The following SARM1 variants were observed in gnomAD, a reference collection of about 807,000 sequenced individuals.
The protein encoded by SARM1 is sterile alpha and TIR motif containing 1.
Under a neutral mutation model 65.1 loss-of-function variants are expected in SARM1, and 60 were observed. The ratio of observed to expected loss-of-function variants is 0.92; its 90% CI spans 0.75 to 1.14. The LOEUF (loss-of-function observed/expected upper bound fraction) is 1.14. Among genes scored for constraint, SARM1 ranks in the 50% most tolerant of loss-of-function variants. The pLI, the probability that SARM1 is intolerant of heterozygous loss-of-function variation, is 0.00. For missense variants in SARM1, 913 were observed against 1,015.7 expected (o/e 0.90, Z 1.37); for synonymous variants, 417 against 465.4 (o/e 0.90, Z 1.34).
Position 28,396,041 on chromosome 17 carries a change from C to T in SARM1, c.2045+15C>T. 6.2e-7 allele frequency: 1 copy of T among 1,613,832 alleles called. No homozygotes were observed. The highest frequency in any genetic ancestry group is 8.5e-7 in the Non-Finnish European group (1 of 1,179,822). Reference sequence around the variant, plus strand: ...AACGGTATCAAGTGAGCCCCAGGGCCCTGGGACCAGGGGGGTAGGGTACAA... The same window carrying T: ...AACGGTATCAAGTGAGCCCCAGGGCTCTGGGACCAGGGGGGTAGGGTACAA... On this transcript the variant is annotated intron_variant, in intron 8 of 8. Transcript: ENST00000585482.
chr17:28,388,277 G>A lies in SARM1; in HGVS notation c.1733+1G>A. 1 of 1,559,446 alleles carries A rather than the reference G, an allele frequency of 6.4e-7. No homozygotes were observed. The highest frequency in any genetic ancestry group is 8.7e-7 in the Non-Finnish European group (1 of 1,152,004). On this transcript the variant is annotated splice_donor_variant, in intron 6 of 8. Transcript: ENST00000585482. LOFTEE classifies it high-confidence loss of function. Reference sequence around the variant, plus strand: ...GGAACTCAGGTTCCCAGCTGGCCAGGTGAGGAGGGGCGGGCGGGCAGCGAC... The same window carrying A: ...GGAACTCAGGTTCCCAGCTGGCCAGATGAGGAGGGGCGGGCGGGCAGCGAC...
intron 7 of SARM1, among the ~76,000 whole-genome samples, chr17:28,390,788 T>C (rs2068075950): frequency 6.6e-6 from 1 of 152,082 alleles, no homozygotes; most frequent in South Asian, 2.1e-4. Flanking sequence ...GTAAGTGGAA[T>C]AGAAGGCATC....
At position 28,401,051 on chromosome 17, in the gene SARM1, T is replaced by C; in HGVS notation, c.*4765T>C. 2.4e-6 allele frequency: 1 copy of C among 418,122 alleles called. No homozygotes were observed. Among genetic ancestry groups the C allele is most frequent in the Non-Finnish European group, 4.5e-6 (1 of 223,132 alleles). 25.9% of individuals were successfully genotyped at this position (418,122 alleles called of 1,614,324 possible). A position where few individuals can be genotyped will look rare whatever the true frequency, so the allele number is the denominator to read the frequency against. ...GCACATAAAAGAAAAAAAAAGTACATGTGATATTGTCTGATGAAAGCTTGA... is the reference window on the plus strand; with the variant it reads ...GCACATAAAAGAAAAAAAAAGTACACGTGATATTGTCTGATGAAAGCTTGA... On this transcript the variant is annotated 3_prime_UTR_variant, in exon 9 of 9. Transcript: ENST00000585482.
At chr17:28,376,403 C>CAA (rs58695374) in intron 1 of SARM1, among the ~76,000 whole-genome samples, 50,169 of 84,092 alleles carry the variant, frequency 0.6, 13,739 homozygotes, top group Middle Eastern at 0.69. Context: ...ACTAAAAATA[C>CAA]AAAAAAAAAA....
At chr17:28,395,725 A>T (rs1328686726) in intron 7 of SARM1, 180 bp from the exon 8 acceptor site, 5 of 627,808 alleles carry the variant, frequency 8.0e-6, no homozygotes, top group Non-Finnish European at 1.1e-5. Context: ...CTCTGGGCAA[A>T]GGAAAAATAT....
At chr17:28,391,676 A>G (rs2068080263) in intron 7 of SARM1, among the ~76,000 whole-genome samples, 1 of 142,152 alleles carries the variant, frequency 7.0e-6, no homozygotes, top group African/African-American at 2.6e-5. Flanking sequence ...AAAACCATGC[A>G]TGGTACAAAG....
At position 28,402,455 on chromosome 17, in the gene SARM1, G is replaced by T. The variant is rs1030917697; in HGVS notation, c.*6169G>T. 5.7e-6 allele frequency: 4 copies of T among 704,036 alleles called. No homozygotes were observed. Among genetic ancestry groups the T allele is most frequent in the Non-Finnish European group, 9.7e-6 (4 of 413,406 alleles). The allele number at this position is 704,036 out of a possible 1,614,324, so 43.6% of individuals were successfully genotyped here. A position where few individuals can be genotyped will look rare whatever the true frequency, so the allele number is the denominator to read the frequency against. On this transcript the variant is annotated 3_prime_UTR_variant, in exon 9 of 9. Coordinates refer to ENST00000585482, the MANE Select transcript of SARM1 (RefSeq NM_015077.4). The stretch of plus-strand genomic sequence containing the variant: ...CAGGAAGAACTTCCTTGATGGTGAG[G>T]GTGGGAAGACAGTAGTCAAGGAGGA...
intron 1 of SARM1, 100 bp from the exon 2 acceptor site, chr17:28,381,103 G>T: frequency 7.3e-7 from 1 of 1,371,750 alleles, no homozygotes; most frequent in East Asian, 2.6e-5. Flanking sequence ...ATATGAGGCC[G>T]GTGAGGCCCA....
At chr17:28,392,473 CTT>C (rs1233385886) in intron 7 of SARM1, among the ~76,000 whole-genome samples, 3 of 152,122 alleles carry the variant, frequency 2.0e-5, no homozygotes, top group Non-Finnish European at 4.4e-5. Flanking sequence ...TTTGTACTGT[CTT>C]TGGTTTTGTA....
chr17:28,378,410 C>A lies in SARM1; in HGVS notation c.471-2793C>A, dbSNP rs56296264. Among the ~76,000 whole-genome samples the A allele has an allele frequency of 9.1e-3, 1,389 of 152,292 alleles. 25 individuals are homozygous for A. Among genetic ancestry groups the A allele is most frequent in the Non-Finnish European group, 8.9e-3 (606 of 68,030 alleles). ...ATGCAATCTCTCCTTCTCCTCCTGA[C>A]TAATGCCCACACTATTCTCTTGCCC... On this transcript the variant is annotated intron_variant, in intron 1 of 8. Coordinates refer to ENST00000585482, the MANE Select transcript of SARM1 (RefSeq NM_015077.4).
At position 28,397,646 on chromosome 17, in the gene SARM1, C is replaced by T. The variant is rs2068144275; in HGVS notation, c.*1360C>T. The T allele has an allele frequency of 6.6e-6, 1 of 152,238 alleles. No individual in the cohort carries two copies. The highest frequency in any genetic ancestry group is 2.4e-5 in the African/African-American group (1 of 41,452). The allele number at this position is 152,238 out of a possible 1,614,324, so 9.4% of individuals were successfully genotyped here. On this transcript the variant is annotated 3_prime_UTR_variant, in exon 9 of 9. Coordinates refer to ENST00000585482, the MANE Select transcript of SARM1 (RefSeq NM_015077.4). The stretch of plus-strand genomic sequence containing the variant: ...ATTCTGAGGCTGGGCTATTGCTTCT[C>T]CCTTGCTTCAAAGAATCTAGCAGCG...
At chr17:28,391,726 AAAG>A (rs1455108358) in intron 7 of SARM1, among the ~76,000 whole-genome samples, 26 of 140,956 alleles carry the variant, frequency 1.8e-4, no homozygotes, top group African/African-American at 7.1e-4. Flanking sequence ...AAAAAAAAAA[AAAG>A]AGAGAGAGAG....
At chr17:28,375,594 T>TAAAA (rs201007293) in intron 1 of SARM1, among the ~76,000 whole-genome samples, 1 of 94,828 alleles carries the variant, frequency 1.1e-5, no homozygotes, top group Non-Finnish European at 2.2e-5. Context: ...AGACTCCATC[T>TAAAA]AAAAAAAAAA....
chr17:28,372,151 GC>G lies in SARM1; in HGVS notation c.122del (p.Pro41HisfsTer39). The stretch of plus-strand genomic sequence containing the variant: ...GGGCCAGATGGGGGCGGTGGCACGG[GC>G]CCATGGTGGGCTGCGGGTGGCCGCG... ...VPGPDGGGGTGPWWAAGGRGP... is the reference protein window; with the variant it reads ...VPGPDGGGGTXPWWAAGGRGP... On this transcript the variant is annotated frameshift_variant, in exon 1 of 9. Transcript: ENST00000585482. LOFTEE classifies it high-confidence loss of function. The surrounding 1 kb of genome is among the most constrained non-coding windows in gnomAD (Gnocchi z 5.2). 7.2e-7 allele frequency: 1 copy of G among 1,395,160 alleles called. No homozygotes were observed. Among genetic ancestry groups the G allele is most frequent in the Non-Finnish European group, 9.2e-7 (1 of 1,084,920 alleles). 86.4% of individuals were successfully genotyped at this position (1,395,160 alleles called of 1,614,324 possible). A position where few individuals can be genotyped will look rare whatever the true frequency, so the allele number is the denominator to read the frequency against.
At chr17:28,394,326 T>G (rs1316267764) in intron 7 of SARM1, among the ~76,000 whole-genome samples, 1 of 151,958 alleles carries the variant, frequency 6.6e-6, no homozygotes, top group East Asian at 1.9e-4. Flanking sequence ...GGGGTGGAGG[T>G]AGGGAAAAAT....
Position 28,381,625 on chromosome 17 carries a change from C to T in SARM1, c.893C>T (p.Pro298Leu). Residue 298 changes from proline to leucine, a missense_variant, in exon 2 of 9, where the codon CCG (proline) becomes CTG (leucine). Around this residue, in one of 3 missense-constraint regions of SARM1, gnomAD observed 862 missense variants for 952.1 expected, o/e 0.91. Coordinates refer to ENST00000585482, the MANE Select transcript of SARM1 (RefSeq NM_015077.4). Reference sequence around the variant, plus strand: ...TCGGGCACGCTGGCGCTCGTGGAGCCGCTTGTGGCCTCGCTGGACCCTGGC... The same window carrying T: ...TCGGGCACGCTGGCGCTCGTGGAGCTGCTTGTGGCCTCGCTGGACCCTGGC... ...ERSGTLALVE[P>L]LVASLDPGRF... 1 of 1,570,808 alleles carries T rather than the reference C, an allele frequency of 6.4e-7. No homozygotes were observed. The highest frequency in any genetic ancestry group is 2.4e-5 in the East Asian group (1 of 42,518).
chr17:28,394,371 G>A (rs2142439801), intron 7 of SARM1, among the ~76,000 whole-genome samples: 1 of 152,304 alleles, frequency 6.6e-6, no homozygotes, highest in South Asian at 2.1e-4. Context: ...AGTACAATTG[G>A]CAGGGCGCAT....
chr17:28,389,778 C>T (rs567048765), intron 7 of SARM1, among the ~76,000 whole-genome samples: 2 of 152,318 alleles, frequency 1.3e-5, no homozygotes, highest in African/African-American at 4.8e-5. Flanking sequence ...ATCCCAGCTA[C>T]TCAGGAGACT....
rs181945523 is a variant in SARM1 at position 28,385,627 on chromosome 17, T to C, written c.1630+352T>C. On this transcript the variant is annotated intron_variant, in intron 5 of 8. Coordinates refer to ENST00000585482, the MANE Select transcript of SARM1 (RefSeq NM_015077.4). The surrounding 1 kb of genome is among the most constrained non-coding windows in gnomAD (Gnocchi z 4.5). ...GGATGCCTGACCATGTCTTGAGAGG[T>C]GCACTGGCGGGGAGGGGTGGCAACA... is the stretch of plus-strand genomic sequence containing the variant. Among the ~76,000 whole-genome samples the C allele has an allele frequency of 6.6e-6, 1 of 151,930 alleles. No individual in the cohort carries two copies. The highest frequency in any genetic ancestry group is 2.4e-5 in the African/African-American group (1 of 41,442).
Sources: gnomAD v4.1 joint callset for allele counts (sites outside exome capture counted in the v4.1 genomes callset) on GRCh38, gnomAD v4.1.1 for gene constraint, gnomAD v4.1.1 regional missense constraint, Gnocchi (gnomAD v3.1) non-coding constraint, MANE v1.5 for transcripts, NCBI Gene and HGNC (gene_info 2026-07-23, HGNC 2026-07-21) for gene names.